PPP4R3B: variants seen among roughly 807,000 people sequenced by gnomAD.
PPP4R3B encodes the protein protein phosphatase 4 regulatory subunit 3B.
PPP4R3B carries 52 observed loss-of-function variants against 95.4 expected under a neutral mutation model. The observed-to-expected ratio is 0.54, with a 90% CI of 0.44 to 0.69. The LOEUF is 0.69. Ranked by LOEUF, PPP4R3B falls within the 30% of genes least tolerant of loss-of-function variation. The pLI, the probability that PPP4R3B is intolerant of heterozygous loss-of-function variation, is 0.00. For synonymous variants in PPP4R3B, 407 were observed against 343.9 expected (o/e 1.18, Z -2.03); for missense variants, 1,003 against 1,005.9 (o/e 1.00, Z 0.04).
chr2:55,576,434 G>GAAA (rs1688673667), intron 11 of PPP4R3B, among the ~76,000 whole-genome samples: 1 of 146,548 alleles, frequency 6.8e-6, no homozygotes, highest in African/African-American at 2.5e-5. Context: ...GCTGTATGTG[G>GAAA]AAATTAAGTT....
At chr2:55,572,053 T>G (rs1032068841) in intron 12 of PPP4R3B, among the ~76,000 whole-genome samples, 3 of 152,232 alleles carry the variant, frequency 2.0e-5, no homozygotes, top group African/African-American at 7.2e-5. Flanking sequence ...GTTGCCTTAA[T>G]AAAGGTGCTG....
chr2:55,562,492 T>C (rs969451782), intron 15 of PPP4R3B, among the ~76,000 whole-genome samples: 2 of 152,166 alleles, frequency 1.3e-5, no homozygotes, highest in Admixed American at 6.5e-5. Flanking sequence ...CGCTCCACCA[T>C]GGTTAAGATA....
chr2:55,590,736 T>C (rs993259366), intron 4 of PPP4R3B, among the ~76,000 whole-genome samples: 2 of 152,190 alleles, frequency 1.3e-5, no homozygotes, highest in African/African-American at 4.8e-5. Flanking sequence ...GTAGAGTTGA[T>C]AGTAAAATAA....
Position 55,573,703 on chromosome 2 carries a change from G to C in PPP4R3B, c.1681C>G (p.His561Asp). The change falls in exon 12 of 17, where the codon CAC becomes GAC. Residue 561 changes from histidine to aspartate, a missense_variant. Around this residue, in one of 3 missense-constraint regions of PPP4R3B, gnomAD observed 695 missense variants for 686.2 expected, o/e 1.01. Coordinates refer to ENST00000616407, the MANE Select transcript of PPP4R3B (RefSeq NM_001122964.3). ...TTGTTCATAATATAGTTTTTTATGT[G>C]ATATGTGTGATGTTCCACACAAAAT... is the stretch of plus-strand genomic sequence containing the variant. Reference protein sequence around the residue: ...LTFCVEHHTYHIKNYIMNKDL... With the variant: ...LTFCVEHHTYDIKNYIMNKDL... 1 of 1,546,306 alleles carries C rather than the reference G, an allele frequency of 6.5e-7. No individual in the cohort carries two copies. The highest frequency in any genetic ancestry group is 8.7e-7 in the Non-Finnish European group (1 of 1,145,252).
chr2:55,576,378 A>G (rs1359234889), intron 11 of PPP4R3B, among the ~76,000 whole-genome samples: 2 of 150,884 alleles, frequency 1.3e-5, no homozygotes, highest in African/African-American at 4.9e-5. Flanking sequence ...TTATTTCTCA[A>G]TTCCCAAATT....
chr2:55,615,227 C>T, intron 2 of PPP4R3B: 1 of 472,788 alleles, frequency 2.1e-6, no homozygotes, highest in South Asian at 2.4e-5. Context: ...CTAATAAATA[C>T]ATCTTAGAAT....
At position 55,564,298 on chromosome 2, in the gene PPP4R3B, T is replaced by C. The variant is rs374496252; in HGVS notation, c.2260+15A>G. On this transcript the variant is annotated intron_variant, in intron 15 of 16. Coordinates refer to ENST00000616407, the MANE Select transcript of PPP4R3B (RefSeq NM_001122964.3). The stretch of plus-strand genomic sequence containing the variant: ...ATAAGAGGGTACACTGTGCAAAAAT[T>C]CCGAATTTTAATACCTTTTTTAGTC... 17 of 1,604,916 alleles carry C rather than the reference T, an allele frequency of 1.1e-5. No homozygotes were observed. The African/African-American group carries it at 2.2e-4, about 20-fold the overall frequency.
intron 16 of PPP4R3B, among the ~76,000 whole-genome samples, chr2:55,551,900 T>C (rs1006596363): frequency 5.9e-5 from 9 of 152,126 alleles, no homozygotes; most frequent in African/African-American, 2.2e-4. Context: ...GCCAAACAAA[T>C]TGGAAGAGAG....
At chr2:55,571,181 G>A (rs535995148) in intron 12 of PPP4R3B, among the ~76,000 whole-genome samples, 3 of 151,918 alleles carry the variant, frequency 2.0e-5, no homozygotes, top group Admixed American at 2.0e-4. Flanking sequence ...GTGGTGGCAG[G>A]CACTTGTAAT....
intron 11 of PPP4R3B, among the ~76,000 whole-genome samples, chr2:55,576,609 G>A (rs1013171565): frequency 2.0e-5 from 3 of 151,586 alleles, no homozygotes; most frequent in Non-Finnish European, 4.4e-5. Context: ...GGCTGAGGCA[G>A]AAGAATCGCT....
chr2:55,550,189 T>G (rs540166160), intron 16 of PPP4R3B, among the ~76,000 whole-genome samples, 183 bp from the exon 17 acceptor site: 14 of 152,232 alleles, frequency 9.2e-5, no homozygotes, highest in Non-Finnish European at 1.3e-4. Flanking sequence ...TTGGTAGCAC[T>G]TGCAGTAACC....
intron 12 of PPP4R3B, among the ~76,000 whole-genome samples, chr2:55,571,616 AG>A (rs1688004986): frequency 1.3e-5 from 2 of 151,494 alleles, no homozygotes; most frequent in Non-Finnish European, 2.9e-5. Context: ...TAATAAACAC[AG>A]GTTTTTTGTT....
chr2:55,600,456 A>AAAAAAAG (rs1692404304), intron 3 of PPP4R3B, among the ~76,000 whole-genome samples: 4 of 144,538 alleles, frequency 2.8e-5, no homozygotes, highest in Non-Finnish European at 6.0e-5. Context: ...AAAAAAAAAA[A>AAAAAAAG]GGCGGGCAGG....
chr2:55,578,206 A>C, intron 10 of PPP4R3B, 41 bp downstream of exon 10: 1 of 1,345,444 alleles, frequency 7.4e-7, no homozygotes, highest in Non-Finnish European at 9.6e-7. Flanking sequence ...TCATAACAAC[A>C]TAAGTAAATA....
chr2:55,559,050 C>T lies in PPP4R3B; in HGVS notation c.2261-82G>A, dbSNP rs543525418. The T allele has an allele frequency of 2.1e-5, 24 of 1,163,570 alleles. No homozygotes were observed. The African/African-American group carries it at 3.1e-4, about 15-fold the overall frequency. The allele number at this position is 1,163,570 out of a possible 1,614,324, so 72.1% of individuals were successfully genotyped here. ...TCTAAAAACAGCAGTAATTAAAAAA[C>T]TTATAAAACATTGCTGCCCGGGCAT... On this transcript the variant is annotated intron_variant, in intron 15 of 16. Transcript: ENST00000616407.
intron 3 of PPP4R3B, among the ~76,000 whole-genome samples, chr2:55,602,727 G>T (rs1015464655): frequency 6.6e-6 from 1 of 152,150 alleles, no homozygotes; most frequent in Admixed American, 6.5e-5. Context: ...AGAACTGGAA[G>T]CTCAAGCCTG....
At chr2:55,602,967 T>C (rs1692844213) in intron 3 of PPP4R3B, among the ~76,000 whole-genome samples, 1 of 152,064 alleles carries the variant, frequency 6.6e-6, no homozygotes, top group Non-Finnish European at 1.5e-5. Flanking sequence ...ACTCTTTTTT[T>C]TTTTTTTGAG....
At chr2:55,602,632 T>C (rs2103734180) in intron 3 of PPP4R3B, among the ~76,000 whole-genome samples, 1 of 152,292 alleles carries the variant, frequency 6.6e-6, no homozygotes, top group East Asian at 1.9e-4. Flanking sequence ...TGGGTAAACT[T>C]AACTAGTTGG....
chr2:55,553,882 T>G (rs901486802), intron 16 of PPP4R3B, among the ~76,000 whole-genome samples: 4 of 152,238 alleles, frequency 2.6e-5, no homozygotes. Context: ...TCTTACTTTT[T>G]GGCTATTATG....
Sources: gnomAD v4.1 joint callset for allele counts (sites outside exome capture counted in the v4.1 genomes callset) on GRCh38, gnomAD v4.1.1 for gene constraint, gnomAD v4.1.1 regional missense constraint, MANE v1.5 for transcripts, NCBI Gene and HGNC (gene_info 2026-07-23, HGNC 2026-07-21) for gene names.